Variants in TMTC1 observed in about 807,000 individuals in gnomAD.
The protein encoded by TMTC1 is transmembrane O-mannosyltransferase targeting cadherins 1.
A neutral mutation model predicts 104.8 loss-of-function variants in TMTC1; 73 were observed. That is an observed-to-expected ratio of 0.70 (90% CI 0.58 to 0.85). The LOEUF is 0.85. Ranked by LOEUF, TMTC1 falls within the 40% of genes least tolerant of loss-of-function variation. The pLI is 0.00. For missense variants in TMTC1, 1,035 were observed against 1,096.1 expected (o/e 0.94, Z 0.79); for synonymous variants, 434 against 428.7 (o/e 1.01, Z -0.15).
intron 10 of TMTC1, among the ~76,000 whole-genome samples, chr12:29,550,455 C>G (rs1413429440): frequency 1.3e-5 from 2 of 151,974 alleles, no homozygotes; most frequent in Non-Finnish European, 2.9e-5. Context: ...TAATAGAAGG[C>G]AACTGAGCAG....
chr12:29,540,444 T>A (rs1057119360), intron 10 of TMTC1, among the ~76,000 whole-genome samples: 1 of 152,180 alleles, frequency 6.6e-6, no homozygotes, highest in Admixed American at 6.5e-5. Context: ...TTGTCCCCAG[T>A]CACACAGCTT....
intron 9 of TMTC1, among the ~76,000 whole-genome samples, chr12:29,562,683 G>A (rs533339937): frequency 1.1e-4 from 17 of 152,152 alleles, no homozygotes; most frequent in Non-Finnish European, 2.5e-4. Flanking sequence ...TCATGTCTGT[G>A]CTTTAGTTGC....
At chr12:29,580,064 G>A (rs1945933946) in intron 8 of TMTC1, among the ~76,000 whole-genome samples, 1 of 152,126 alleles carries the variant, frequency 6.6e-6, no homozygotes, top group East Asian at 1.9e-4. Context: ...GTTTTGGCCA[G>A]GCACATTGGC....
At chr12:29,721,586 A>T (rs116420425) in intron 5 of TMTC1, among the ~76,000 whole-genome samples, 3,130 of 152,268 alleles carry the variant, frequency 0.021, 118 homozygotes, top group African/African-American at 0.069. Context: ...GAAATAAACA[A>T]ATCTACATTA....
In TMTC1 at chr12:29,630,390, G is replaced by A. The variant is rs144036102; in HGVS notation, c.1128+2757C>T. On this transcript the variant is annotated intron_variant, in intron 6 of 17. Coordinates refer to ENST00000539277, the MANE Select transcript of TMTC1 (RefSeq NM_001193451.2). ...ACCCCTAATAAAACCATCAGATCTC[G>A]TGAGAACTCTCTCACTATCACAAGA... is the stretch of plus-strand genomic sequence containing the variant. Among the ~76,000 whole-genome samples the A allele has an allele frequency of 3.1e-3, 474 of 152,208 alleles. 2 individuals are homozygous for A. The highest frequency in any genetic ancestry group is 0.01 in the African/African-American group (417 of 41,520).
chr12:29,749,338 TA>T (rs1943033962), intron 5 of TMTC1, among the ~76,000 whole-genome samples: 1 of 152,160 alleles, frequency 6.6e-6, no homozygotes, highest in South Asian at 2.1e-4. Flanking sequence ...CATCTATGCT[TA>T]ATTTCCAACA....
chr12:29,715,987 G>GTAT (rs140955615), intron 5 of TMTC1, among the ~76,000 whole-genome samples: 4,663 of 130,000 alleles, frequency 0.036, 203 homozygotes, highest in Admixed American at 0.14. Flanking sequence ...GCCAAACTCA[G>GTAT]TATTATTATT....
intron 5 of TMTC1, among the ~76,000 whole-genome samples, chr12:29,667,240 G>A (rs146681580): frequency 5.7e-4 from 86 of 152,170 alleles, no homozygotes; most frequent in Middle Eastern, 3.4e-3. Flanking sequence ...TGGAGGAGTC[G>A]AACAACCTTT....
At chr12:29,728,832 A>G (rs2136909566) in intron 5 of TMTC1, among the ~76,000 whole-genome samples, 1 of 147,624 alleles carries the variant, frequency 6.8e-6, no homozygotes, top group East Asian at 2.0e-4. Flanking sequence ...CCGCCGTCCT[A>G]CAAAAAAAAA....
chr12:29,515,848 T>G (rs1174760756), intron 15 of TMTC1, among the ~76,000 whole-genome samples: 1 of 151,894 alleles, frequency 6.6e-6, no homozygotes, highest in African/African-American at 2.4e-5. Flanking sequence ...TGAGTCAGTT[T>G]ATAAATTTAC....
intron 7 of TMTC1, among the ~76,000 whole-genome samples, chr12:29,596,427 C>T (rs1008757129): frequency 7.2e-5 from 11 of 152,178 alleles, no homozygotes; most frequent in African/African-American, 2.7e-4. Context: ...CGTCATTGTT[C>T]CCTAGTGTAA....
At chr12:29,517,134 G>A (rs59718081) in intron 14 of TMTC1, among the ~76,000 whole-genome samples, 97 of 152,246 alleles carry the variant, frequency 6.4e-4, no homozygotes, top group African/African-American at 2.2e-3. Context: ...ATACACAATG[G>A]AGTGATAAAT....
intron 10 of TMTC1, among the ~76,000 whole-genome samples, chr12:29,538,162 G>C (rs1385392465): frequency 4.6e-5 from 7 of 152,076 alleles, no homozygotes; most frequent in Non-Finnish European, 8.8e-5. Context: ...TAATTAATTT[G>C]TATTACAGCT....
intron 9 of TMTC1, among the ~76,000 whole-genome samples, chr12:29,562,232 C>T (rs1329287710): frequency 2.0e-5 from 3 of 152,174 alleles, no homozygotes; most frequent in Non-Finnish European, 4.4e-5. Context: ...TCCTTCTGAT[C>T]CATTACAGAT....
intron 17 of TMTC1, 135 bp from the exon 18 acceptor site, chr12:29,507,121 T>A (rs773265274): frequency 8.3e-6 from 6 of 724,586 alleles, no homozygotes; most frequent in Non-Finnish European, 1.4e-5. Context: ...TCTGTATGTG[T>A]AATTTTATCC....
intron 7 of TMTC1, among the ~76,000 whole-genome samples, chr12:29,602,342 C>T (rs1200019752): frequency 6.6e-6 from 1 of 152,054 alleles, no homozygotes; most frequent in Non-Finnish European, 1.5e-5. Flanking sequence ...CAGGGTCTCA[C>T]CATGTTGCCC....
intron 5 of TMTC1, among the ~76,000 whole-genome samples, chr12:29,719,984 T>C (rs570336622): frequency 1.7e-4 from 26 of 152,300 alleles, no homozygotes; most frequent in African/African-American, 5.8e-4. Context: ...ATTGACAGCT[T>C]AGTGAGTGAC....
At chr12:29,669,952 G>A (rs112509409) in intron 5 of TMTC1, among the ~76,000 whole-genome samples, 281 of 152,288 alleles carry the variant, frequency 1.8e-3, no homozygotes, top group African/African-American at 6.7e-3. Flanking sequence ...TGAGTCTCCT[G>A]ATGGCCAATT....
At chr12:29,554,736 G>A (rs148298103) in intron 10 of TMTC1, among the ~76,000 whole-genome samples, 20 of 152,046 alleles carry the variant, frequency 1.3e-4, no homozygotes, top group Admixed American at 7.2e-4. Flanking sequence ...CCAGCCATGG[G>A]GGGGCATGCC....
Sources: gnomAD v4.1 joint callset for allele counts (sites outside exome capture counted in the v4.1 genomes callset) on GRCh38, gnomAD v4.1.1 for gene constraint, MANE v1.5 for transcripts, NCBI Gene and HGNC (gene_info 2026-07-23, HGNC 2026-07-21) for gene names.